The following SIPA1L1 variants were observed in gnomAD, a reference collection of about 807,000 sequenced individuals.
SIPA1L1 encodes signal induced proliferation associated 1 like 1, also known as signal-induced proliferation-associated 1-like protein 1.
In SIPA1L1, 26 loss-of-function variants were observed where a neutral mutation model predicts 162.7. The observed-to-expected ratio is 0.16, with a 90% CI of 0.12 to 0.22. The LOEUF is 0.22. Ranked by LOEUF, SIPA1L1 falls within the 10% of genes least tolerant of loss-of-function variation. SIPA1L1 has a pLI of 1.00. For missense variants in SIPA1L1, 1,874 were observed against 2,241.0 expected (o/e 0.84, Z 3.31); for synonymous variants, 829 against 837.4 (o/e 0.99, Z 0.17).
chr14:71,460,335 A>G (rs2046500023), intron 2 of SIPA1L1, among the ~76,000 whole-genome samples: 1 of 152,154 alleles, frequency 6.6e-6, no homozygotes, highest in African/African-American at 2.4e-5. Context: ...AGTCTGGACC[A>G]TTTGTAGTCC....
At chr14:71,512,672 G>T (rs1440306387) in intron 2 of SIPA1L1, 71 bp from the exon 3 acceptor site, 2 of 137,814 alleles carry the variant, frequency 1.5e-5, no homozygotes, top group Non-Finnish European at 3.1e-5. Flanking sequence ...GCCGGGGTTG[G>T]GGGGGTTGGG....
chr14:71,450,952 C>G (rs1006087125), intron 2 of SIPA1L1, among the ~76,000 whole-genome samples: 2 of 152,084 alleles, frequency 1.3e-5, no homozygotes, highest in African/African-American at 4.8e-5. Context: ...ATCAGAATTC[C>G]CATGTTTATT....
At chr14:71,536,919 A>G (rs931802978) in intron 4 of SIPA1L1, among the ~76,000 whole-genome samples, 3 of 152,228 alleles carry the variant, frequency 2.0e-5, no homozygotes, top group Admixed American at 6.5e-5. Context: ...AAAAATATTA[A>G]TAAGTAGCAG....
At chr14:71,636,204 T>A (rs940734190) in intron 7 of SIPA1L1, among the ~76,000 whole-genome samples, 1 of 152,198 alleles carries the variant, frequency 6.6e-6, no homozygotes, top group Non-Finnish European at 1.5e-5. Flanking sequence ...ACCAATAGGA[T>A]CTAATTGACA....
rs1230455396 is a variant in SIPA1L1 at position 71,589,259 on chromosome 14, C to T, written c.1387C>T (p.Leu463Phe). The T allele has an allele frequency of 6.2e-7, 1 of 1,614,008 alleles. No individual in the cohort carries two copies. The highest frequency in any genetic ancestry group is 8.5e-7 in the Non-Finnish European group (1 of 1,179,940). Residue 463 changes from leucine to phenylalanine, a missense_variant, in exon 5 of 24, where the codon CTT becomes TTT. Physicochemically the swap from Leu to Phe is conservative, Grantham distance 22 (BLOSUM62 0). This residue lies in a region of SIPA1L1 where 685 missense variants were observed against 828.0 expected (regional missense o/e 0.83). Transcript: ENST00000381232. Reference protein sequence around the residue: ...SHCTNAGVAVLEVPKENLVLH... With the variant: ...SHCTNAGVAVFEVPKENLVLH... Reference sequence around the variant, plus strand: ...TTGCACAAATGCAGGAGTGGCAGTACTTGAAGTGCCCAAGGAGAACTTGGT... The same window carrying T: ...TTGCACAAATGCAGGAGTGGCAGTATTTGAAGTGCCCAAGGAGAACTTGGT...
intron 2 of SIPA1L1, among the ~76,000 whole-genome samples, chr14:71,432,627 A>G (rs1405544092): frequency 1.3e-5 from 2 of 152,166 alleles, no homozygotes; most frequent in African/African-American, 2.4e-5. Flanking sequence ...TCCAGTTTCT[A>G]TGGTCAGCCT....
In SIPA1L1 at chr14:71,657,345, CAAAA is replaced by C. The variant is rs561713864; in HGVS notation, c.1994-969_1994-966del. 1.9e-4 allele frequency among the ~76,000 whole-genome samples: 17 copies of C among 88,208 alleles called. No individual in the cohort carries two copies. The Admixed American group carries it at 2.0e-3, about 10-fold the overall frequency. The allele number at this position is 88,208 out of a possible 152,430, so 57.9% of individuals were successfully genotyped here. On this transcript the variant is annotated intron_variant, in intron 8 of 23. Transcript: ENST00000381232. ...CCTGGGCGACAGAGTGAGACTGTCT[CAAAA>C]AAAAAAAAAAAAAAAAAATTGGGTT...
chr14:71,371,630 G>T (rs1048692419), intron 2 of SIPA1L1, among the ~76,000 whole-genome samples: 7 of 152,104 alleles, frequency 4.6e-5, no homozygotes, highest in African/African-American at 1.7e-4. Context: ...CAGCTCCTGA[G>T]CTCAAGTGAT....
intron 2 of SIPA1L1, among the ~76,000 whole-genome samples, chr14:71,393,487 C>T (rs2040932913): frequency 6.6e-6 from 1 of 152,186 alleles, no homozygotes; most frequent in Non-Finnish European, 1.5e-5. Flanking sequence ...TATTGGACCA[C>T]ACTCATGCTA....
chr14:71,696,703 G>T (rs925436813), intron 13 of SIPA1L1, among the ~76,000 whole-genome samples: 1 of 152,180 alleles, frequency 6.6e-6, no homozygotes, highest in Non-Finnish European at 1.5e-5. Context: ...GAAATGTAAA[G>T]ATAAATAAGG....
chr14:71,414,760 T>A (rs2042638201), intron 2 of SIPA1L1, among the ~76,000 whole-genome samples: 1 of 152,238 alleles, frequency 6.6e-6, no homozygotes, highest in Non-Finnish European at 1.5e-5. Flanking sequence ...GGTGCCAGGC[T>A]TTTCCTGAAT....
chr14:71,698,441 A>G (rs368633187), intron 13 of SIPA1L1, among the ~76,000 whole-genome samples: 4 of 152,186 alleles, frequency 2.6e-5, no homozygotes, highest in Admixed American at 1.3e-4. Flanking sequence ...ACATTTTTTC[A>G]TGGAGGTTTT....
At chr14:71,505,970 C>A (rs1234629652) in intron 2 of SIPA1L1, among the ~76,000 whole-genome samples, 31 of 142,776 alleles carry the variant, frequency 2.2e-4, no homozygotes, top group African/African-American at 6.3e-4. Context: ...TCCCCCCCCC[C>A]AAAAAAAAAA....
In SIPA1L1 at chr14:71,672,591, A is replaced by G. The variant is rs2044640646; in HGVS notation, c.3073A>G (p.Ile1025Val). 6.2e-7 allele frequency: 1 copy of G among 1,614,140 alleles called. No homozygotes were observed. The highest frequency in any genetic ancestry group is 8.5e-7 in the Non-Finnish European group (1 of 1,179,966). ...RTSVTVKVVIIPPHDDCTPRR... is the reference protein window; with the variant it reads ...RTSVTVKVVIVPPHDDCTPRR... ...ATCTGTCACGGTGAAGGTTGTCATCATTCCCCCGCATGATGACTGCACCCC... is the reference window on the plus strand; with the variant it reads ...ATCTGTCACGGTGAAGGTTGTCATCGTTCCCCCGCATGATGACTGCACCCC... Residue 1025 changes from isoleucine to valine, a missense_variant, in exon 12 of 24, where the codon ATT becomes GTT. By Grantham distance (29) the Ile-to-Val change is conservative. Around this residue, in one of 5 missense-constraint regions of SIPA1L1, gnomAD observed 936 missense variants for 1,051.9 expected, o/e 0.89. Transcript: ENST00000381232.
chr14:71,716,784 A>C (rs976025308), intron 17 of SIPA1L1, among the ~76,000 whole-genome samples: 2 of 152,258 alleles, frequency 1.3e-5, no homozygotes, highest in African/African-American at 4.8e-5. Context: ...AAGCTTCGCC[A>C]CAGCTGGGAA....
chr14:71,696,471 C>T (rs1403992228), intron 13 of SIPA1L1, among the ~76,000 whole-genome samples: 1 of 152,226 alleles, frequency 6.6e-6, no homozygotes, highest in African/African-American at 2.4e-5. Context: ...TATTAACTTT[C>T]AGTCTGTTAC....
chr14:71,546,063 A>G (rs539764651), intron 4 of SIPA1L1, among the ~76,000 whole-genome samples: 2 of 152,278 alleles, frequency 1.3e-5, no homozygotes, highest in South Asian at 2.1e-4. Context: ...AGCCTGGGAA[A>G]CAGAGCGAGA....
chr14:71,624,271 C>T, intron 7 of SIPA1L1, 35 bp downstream of exon 7: 2 of 1,556,738 alleles, frequency 1.3e-6, no homozygotes, highest in Non-Finnish European at 1.8e-6. Flanking sequence ...CATTCTTGCT[C>T]AGGTTTATTG....
At chr14:71,427,664 T>G (rs2043675056) in intron 2 of SIPA1L1, among the ~76,000 whole-genome samples, 6 of 152,204 alleles carry the variant, frequency 3.9e-5, no homozygotes, top group Admixed American at 3.9e-4. Context: ...TCAGGTTCAC[T>G]GATTCTTTCT....
Sources: gnomAD v4.1 joint callset for allele counts (sites outside exome capture counted in the v4.1 genomes callset) on GRCh38, gnomAD v4.1.1 for gene constraint, gnomAD v4.1.1 regional missense constraint, MANE v1.5 for transcripts, NCBI Gene and HGNC (gene_info 2026-07-23, HGNC 2026-07-21) for gene names.